Variants in PIEZO2 observed in about 807,000 individuals in gnomAD.
PIEZO2 encodes the protein piezo type mechanosensitive ion channel component 2.
PIEZO2 carries 172 observed loss-of-function variants against 337.3 expected under a neutral mutation model. That is an observed-to-expected ratio of 0.51 (90% CI 0.45 to 0.58). The LOEUF is 0.58. Among genes scored for constraint, PIEZO2 ranks in the 20% least tolerant of loss-of-function variants. The pLI is 0.00. For missense variants in PIEZO2, 3,028 were observed against 3,391.3 expected (o/e 0.89, Z 2.66); for synonymous variants, 1,251 against 1,228.5 (o/e 1.02, Z -0.38).
chr18:11,071,678 G>A (rs531685952), intron 1 of PIEZO2, among the ~76,000 whole-genome samples: 2 of 152,166 alleles, frequency 1.3e-5, no homozygotes, highest in Non-Finnish European at 2.9e-5. Flanking sequence ...GAGGTGATGA[G>A]CTGAGTGAGC....
intron 31 of PIEZO2, among the ~76,000 whole-genome samples, chr18:10,743,747 C>A (rs1203779671): frequency 1.3e-5 from 2 of 152,156 alleles, no homozygotes; most frequent in Non-Finnish European, 2.9e-5. Flanking sequence ...TGAGCAAGAC[C>A]TTGTGTCATT....
Position 10,774,019 on chromosome 18 carries a change from T to C in PIEZO2, c.2554A>G (p.Ile852Val), listed in dbSNP as rs1460748382. 2 of 703,054 alleles carry C rather than the reference T, an allele frequency of 2.8e-6. No homozygotes were observed. The highest frequency in any genetic ancestry group is 5.2e-6 in the Non-Finnish European group (2 of 385,010). 43.6% of individuals were successfully genotyped at this position (703,054 alleles called of 1,614,324 possible). A position where few individuals can be genotyped will look rare whatever the true frequency, so the allele number is the denominator to read the frequency against. Residue 852 changes from isoleucine (I) to valine (V), a missense_variant, in exon 19 of 56, where the codon ATC becomes GTC. Physicochemically the swap from Ile to Val is conservative, Grantham distance 29 (BLOSUM62 3). This residue lies in a region of PIEZO2 where 1,925 missense variants were observed against 2,051.9 expected (regional missense o/e 0.94). Coordinates refer to ENST00000674853, the MANE Select transcript of PIEZO2 (RefSeq NM_001378183.1). ...IINSIKKKLP[I>V]HQNELAHPEG... ...AGGGGGACTTACTCATTTTGGTGGA[T>C]TGGTAATTTTTTCTTGATGCTGCTC...
chr18:10,843,189 G>A (rs1022618430), intron 7 of PIEZO2, among the ~76,000 whole-genome samples: 5 of 152,010 alleles, frequency 3.3e-5, no homozygotes, highest in Admixed American at 2.0e-4. Flanking sequence ...TACAGAACAT[G>A]GATGAGGATC....
intron 2 of PIEZO2, among the ~76,000 whole-genome samples, chr18:10,984,955 A>C (rs2034811478): frequency 6.6e-6 from 1 of 152,118 alleles, no homozygotes; most frequent in South Asian, 2.1e-4. Context: ...GCCAAAGAAA[A>C]AAATGTGCTA....
At chr18:11,034,843 T>TCAAACAAAAACAAACAAA (rs2036869789) in intron 2 of PIEZO2, among the ~76,000 whole-genome samples, 1 of 152,100 alleles carries the variant, frequency 6.6e-6, no homozygotes, top group Admixed American at 6.5e-5. Context: ...AGACTCCGTC[T>TCAAACAAAAACAAACAAA]CAAACAAAAA....
intron 52 of PIEZO2, among the ~76,000 whole-genome samples, chr18:10,679,905 A>C (rs1424877849): frequency 3.3e-5 from 5 of 152,248 alleles, no homozygotes; most frequent in South Asian, 2.1e-4. Flanking sequence ...CAAAAATAAA[A>C]AACAGCAACA....
At chr18:10,858,313 C>G (rs1186670065) in intron 5 of PIEZO2, among the ~76,000 whole-genome samples, 1 of 86,558 alleles carries the variant, frequency 1.2e-5, no homozygotes, top group African/African-American at 4.9e-5. Context: ...CAGAGCGAGA[C>G]TTCAACCCAA....
At chr18:10,697,635 T>C in intron 45 of PIEZO2, 113 bp downstream of exon 45, 1 of 1,388,894 alleles carries the variant, frequency 7.2e-7, no homozygotes, top group Non-Finnish European at 9.8e-7. Flanking sequence ...CTTACGCAGA[T>C]AACATTTGTG....
chr18:10,780,204 T>A (rs2038930507), intron 18 of PIEZO2, 121 bp downstream of exon 18: 1 of 661,520 alleles, frequency 1.5e-6, no homozygotes, highest in African/African-American at 1.8e-5. Flanking sequence ...TCCATGAGCA[T>A]ACCTGAAGAC....
intron 2 of PIEZO2, among the ~76,000 whole-genome samples, chr18:11,055,497 T>G (rs1354058531): frequency 1.3e-5 from 2 of 152,140 alleles, no homozygotes; most frequent in African/African-American, 4.8e-5. Context: ...TAAACCTGAA[T>G]TCTGGGAGGA....
At chr18:11,024,761 C>A (rs1306265446) in intron 2 of PIEZO2, among the ~76,000 whole-genome samples, 3 of 151,676 alleles carry the variant, frequency 2.0e-5, no homozygotes, top group Non-Finnish European at 4.4e-5. Context: ...GTCTCAGCCT[C>A]CTGAGTAGCT....
rs1433910944 is a variant in PIEZO2 at position 10,851,154 on chromosome 18, TC to T, written c.917+4198del. Reference sequence around the variant, plus strand: ...TCTTTTCTTTTCTTTTTTTCTTTTATCTTTTTTTTTTTTTTTTTGCCAGTCT... The same window carrying T: ...TCTTTTCTTTTCTTTTTTTCTTTTATTTTTTTTTTTTTTTTTTGCCAGTCT... On this transcript the variant is annotated intron_variant, in intron 7 of 55. Transcript: ENST00000674853. Among the ~76,000 whole-genome samples, 3 of 128,246 alleles carry T rather than the reference TC, an allele frequency of 2.3e-5. No homozygotes were observed. In the East Asian group the frequency reaches 6.9e-4, roughly 29 times the overall value. 84.1% of individuals were successfully genotyped at this position (128,246 alleles called of 152,430 possible).
At chr18:10,843,933 C>T (rs1450334440) in intron 7 of PIEZO2, among the ~76,000 whole-genome samples, 2 of 152,190 alleles carry the variant, frequency 1.3e-5, no homozygotes, top group African/African-American at 4.8e-5. Flanking sequence ...AGTGCAAAGG[C>T]TGGTTTACCA....
chr18:11,121,947 C>A (rs1481063542), intron 1 of PIEZO2, among the ~76,000 whole-genome samples: 1 of 151,892 alleles, frequency 6.6e-6, no homozygotes, highest in African/African-American at 2.4e-5. Flanking sequence ...GAGAAGCCTT[C>A]TTTCTTTTCT....
rs115526553 is a variant in PIEZO2 at position 10,742,593 on chromosome 18, G to C, written c.4537C>G (p.Gln1513Glu). The C allele has an allele frequency of 1.4e-4, 214 of 1,537,060 alleles. 1 individual carries two copies. The African/African-American group carries it at 2.7e-3, about 20-fold the overall frequency. ...KRQMDRIKAR[Q>E]QKYKKGKERM... ...TCCTTACCCTTTTTATATTTCTGTT[G>C]CCTGGCCTTGATGCGATCCATCCTA... The change falls in exon 32 of 56, where the codon CAA becomes GAA. Residue 1513 changes from glutamine (Q) to glutamate (E), a missense_variant. Physicochemically the swap from Gln to Glu is conservative, Grantham distance 29. Around this residue, in one of 5 missense-constraint regions of PIEZO2, gnomAD observed 1,925 missense variants for 2,051.9 expected, o/e 0.94. Coordinates refer to ENST00000674853, the MANE Select transcript of PIEZO2 (RefSeq NM_001378183.1).
At chr18:10,782,249 ATATAT>A (rs1301287702) in intron 17 of PIEZO2, among the ~76,000 whole-genome samples, 2 of 118,476 alleles carry the variant, frequency 1.7e-5, no homozygotes, top group Non-Finnish European at 3.3e-5. Flanking sequence ...ATATTATATG[ATATAT>A]TATATTATTA....
chr18:11,148,884 C>T lies in PIEZO2; in HGVS notation c.-296G>A, dbSNP rs1170399589. Reference sequence around the variant, plus strand: ...TTAGTGTGAATCCTGGATCCGGCAGCGGCGGCGGCTTCTTCAGGGGTAGCT... The same window carrying T: ...TTAGTGTGAATCCTGGATCCGGCAGTGGCGGCGGCTTCTTCAGGGGTAGCT... On this transcript the variant is annotated 5_prime_UTR_variant, in exon 1 of 56. Transcript: ENST00000674853. The surrounding 1 kb of genome is among the most constrained non-coding windows in gnomAD (Gnocchi z 5.2). 2 of 351,522 alleles carry T rather than the reference C, an allele frequency of 5.7e-6. No homozygotes were observed. The highest frequency in any genetic ancestry group is 8.0e-5 in the South Asian group (1 of 12,556). 21.8% of individuals were successfully genotyped at this position (351,522 alleles called of 1,614,324 possible). A position where few individuals can be genotyped will look rare whatever the true frequency, so the allele number is the denominator to read the frequency against.
At chr18:10,956,539 T>C (rs2033529629) in intron 3 of PIEZO2, among the ~76,000 whole-genome samples, 1 of 152,186 alleles carries the variant, frequency 6.6e-6, no homozygotes, top group African/African-American at 2.4e-5. Flanking sequence ...TATCTTAAAA[T>C]TTGTATGGAG....
chr18:11,000,605 C>T (rs767905701), intron 2 of PIEZO2, among the ~76,000 whole-genome samples: 8 of 152,180 alleles, frequency 5.3e-5, no homozygotes, highest in East Asian at 1.9e-4. Flanking sequence ...ATTGCTTCTA[C>T]AGCACAGTCC....
Sources: gnomAD v4.1 joint callset for allele counts (sites outside exome capture counted in the v4.1 genomes callset) on GRCh38, gnomAD v4.1.1 for gene constraint, gnomAD v4.1.1 regional missense constraint, Gnocchi (gnomAD v3.1) non-coding constraint, MANE v1.5 for transcripts, NCBI Gene and HGNC (gene_info 2026-07-23, HGNC 2026-07-21) for gene names.